The following SAXO1 variants were observed in gnomAD, a reference collection of about 807,000 sequenced individuals.
The protein encoded by SAXO1 is stabilizer of axonemal microtubules 1.
In SAXO1, 21 loss-of-function variants were observed where a neutral mutation model predicts 17.5. The observed-to-expected ratio is 1.20, with a 90% CI of 0.85 to 1.72. SAXO1 has a LOEUF of 1.72. Among genes scored for constraint, SAXO1 ranks in the 40% most tolerant of loss-of-function variants. The pLI, the probability that SAXO1 is intolerant of heterozygous loss-of-function variation, is 0.00. For missense variants in SAXO1, 843 were observed against 596.0 expected, an observed-to-expected ratio of 1.41 and a Z score of -4.32; for synonymous variants, 274 against 216.5, an observed-to-expected ratio of 1.27 and a Z score of -2.33.
At chr9:19,028,844 G>C (rs913917447) in intron 1 of SAXO1, among the ~76,000 whole-genome samples, 2 of 152,034 alleles carry the variant, frequency 1.3e-5, no homozygotes, top group Non-Finnish European at 2.9e-5. Flanking sequence ...TTTTCACTTC[G>C]TAATCTGCCA....
intron 1 of SAXO1, among the ~76,000 whole-genome samples, chr9:19,030,136 C>A (rs1588562873): frequency 6.6e-6 from 1 of 152,058 alleles, no homozygotes; most frequent in East Asian, 1.9e-4. Flanking sequence ...CTTACAAGTC[C>A]AGCAGGAGGA....
intron 1 of SAXO1, among the ~76,000 whole-genome samples, chr9:19,038,813 A>C (rs1588574752): frequency 6.6e-6 from 1 of 152,246 alleles, no homozygotes; most frequent in Admixed American, 6.5e-5. Flanking sequence ...GTGAGGGAGC[A>C]GGGTGAGGCA....
intron 3 of SAXO1, among the ~76,000 whole-genome samples, chr9:18,931,642 G>A (rs1316107397): frequency 4.6e-5 from 7 of 152,194 alleles, no homozygotes; most frequent in African/African-American, 9.7e-5. Context: ...CACCAGCAAC[G>A]TATAAACATT....
At chr9:19,002,043 A>G (rs777181710) in intron 1 of SAXO1, among the ~76,000 whole-genome samples, 8 of 152,218 alleles carry the variant, frequency 5.3e-5, no homozygotes, top group Non-Finnish European at 1.0e-4. Context: ...AATAGACGCA[A>G]TAAAAAATGA....
intron 1 of SAXO1, among the ~76,000 whole-genome samples, chr9:18,964,304 G>C (rs1027099163): frequency 3.9e-5 from 6 of 152,158 alleles, no homozygotes; most frequent in African/African-American, 1.4e-4. Flanking sequence ...TTAGGGAGGA[G>C]TCCCTCTTTT....
intron 2 of SAXO1, among the ~76,000 whole-genome samples, chr9:18,942,996 A>G (rs191943817): frequency 6.6e-6 from 1 of 152,384 alleles, no homozygotes; most frequent in East Asian, 1.9e-4. Flanking sequence ...CGTTAGGCCC[A>G]AACACCAATA....
At position 19,040,102 on chromosome 9, in the gene SAXO1, T is replaced by TA. The variant is rs199802674; in HGVS notation, c.-158+9106dup. ...CACGGTGCACTGTGAATCTTTTATT[T>TA]AAAAAAACTGTAGGTGCTTTTATTT... On this transcript the variant is annotated intron_variant, in intron 1 of 3. Transcript: ENST00000542071. Among the ~76,000 whole-genome samples, 680 of 152,294 alleles carry TA rather than the reference T, an allele frequency of 4.5e-3. 2 individuals are homozygous for TA. Among genetic ancestry groups the TA allele is most frequent in the African/African-American group, 0.016 (656 of 41,556 alleles).
chr9:18,984,191 AG>A, intron 1 of SAXO1, among the ~76,000 whole-genome samples: 1 of 152,228 alleles, frequency 6.6e-6, no homozygotes, highest in East Asian at 1.9e-4. Context: ...GCCATCATCC[AG>A]GCTTTACTGT....
Position 18,928,907 on chromosome 9 carries a change from A to G in SAXO1, c.570T>C (p.Pro190=). ...TGTTACAGAGCTTTGGCATGGCCAG[A>G]GGTTTACAGCTTATGGTCTTCACAA... The part of the protein sequence containing the change: ...KGLVKTISCK[P]LAMPKLCNIP... The change falls in exon 4 of 4, where the codon CCT becomes CCC. Residue 190 remains proline (P), a synonymous_variant. Transcript: ENST00000380534. The G allele has an allele frequency of 1.2e-6, 2 of 1,614,170 alleles. No homozygotes were observed. The highest frequency in any genetic ancestry group is 1.7e-6 in the Non-Finnish European group (2 of 1,180,036).
intron 1 of SAXO1, among the ~76,000 whole-genome samples, chr9:18,958,298 C>T (rs1191101554): frequency 1.3e-5 from 2 of 152,002 alleles, no homozygotes; most frequent in African/African-American, 4.8e-5. Flanking sequence ...ATGGTGGGCA[C>T]CTGTAATTCC....
intron 1 of SAXO1, among the ~76,000 whole-genome samples, chr9:19,013,705 CCTGG>C (rs1186350460): frequency 2.6e-5 from 4 of 151,934 alleles, no homozygotes; most frequent in Non-Finnish European, 5.9e-5. Flanking sequence ...CATCACCATG[CCTGG>C]CTAATTTTTG....
Position 18,928,427 on chromosome 9 carries a change from C to T in SAXO1, c.1050G>A (p.Met350Ile), listed in dbSNP as rs1405379624. The change falls in exon 4 of 4, where the codon ATG (methionine) becomes ATA (isoleucine). Residue 350 changes from methionine to isoleucine, a missense_variant. Met to Ile is a conservative substitution (Grantham distance 10). Transcript: ENST00000380534. ...GAACGGGCTTGACTGGCTCTGTGCG[C>T]ATGCTGGACCACTGCTTGTAGTCAT... The part of the protein sequence containing the change: ...TKDDYKQWSS[M>I]RTEPVKPVPQ... 2 of 1,608,210 alleles carry T rather than the reference C, an allele frequency of 1.2e-6. No homozygotes were observed. Among genetic ancestry groups the T allele is most frequent in the South Asian group, 1.1e-5 (1 of 90,258 alleles).
chr9:18,949,395 T>A (rs1831928998), intron 2 of SAXO1, among the ~76,000 whole-genome samples: 1 of 152,128 alleles, frequency 6.6e-6, no homozygotes, highest in African/African-American at 2.4e-5. Context: ...AATTCGAGGC[T>A]GCACTGAGCG....
At chr9:18,958,743 G>C (rs1165622950) in intron 1 of SAXO1, among the ~76,000 whole-genome samples, 2 of 152,018 alleles carry the variant, frequency 1.3e-5, no homozygotes, top group Admixed American at 6.6e-5. Flanking sequence ...GGGAAAGGAA[G>C]AGAAGAGAAT....
intron 1 of SAXO1, among the ~76,000 whole-genome samples, chr9:18,979,730 A>G (rs1234888723): frequency 6.6e-6 from 1 of 152,210 alleles, no homozygotes; most frequent in Non-Finnish European, 1.5e-5. Flanking sequence ...AATCCCATCT[A>G]CTAGGGAGAC....
intron 1 of SAXO1, among the ~76,000 whole-genome samples, chr9:18,967,799 A>G (rs908300524): frequency 6.6e-6 from 1 of 151,882 alleles, no homozygotes; most frequent in African/African-American, 2.4e-5. Flanking sequence ...GTATGAAAAA[A>G]AAAACTCCTG....
intron 1 of SAXO1, among the ~76,000 whole-genome samples, chr9:18,954,914 A>T (rs917066700): frequency 2.0e-4 from 19 of 92,910 alleles, no homozygotes; most frequent in South Asian, 1.1e-3. Flanking sequence ...GTAAGAAAAA[A>T]AAGTTAAAAA....
chr9:19,013,717 T>A (rs1298302216), intron 1 of SAXO1, among the ~76,000 whole-genome samples: 1 of 151,964 alleles, frequency 6.6e-6, no homozygotes, highest in Non-Finnish European at 1.5e-5. Context: ...TGGCTAATTT[T>A]TGTATTTTTA....
At chr9:18,929,115 T>G (rs549722779) in intron 3 of SAXO1, 60 bp from the exon 4 acceptor site, 11 of 1,568,606 alleles carry the variant, frequency 7.0e-6, no homozygotes, top group African/African-American at 2.7e-5. Flanking sequence ...TTGCATATAT[T>G]CTACAGAGCC....
Sources: gnomAD v4.1 joint callset for allele counts (sites outside exome capture counted in the v4.1 genomes callset) on GRCh38, gnomAD v4.1.1 for gene constraint, MANE v1.5 for transcripts, NCBI Gene and HGNC (gene_info 2026-07-23, HGNC 2026-07-21) for gene names.